Variants in DNAH6 observed in about 807,000 individuals in gnomAD.
DNAH6 encodes the protein dynein axonemal heavy chain 6.
A neutral mutation model predicts 491.4 loss-of-function variants in DNAH6; 340 were observed. The ratio of observed to expected loss-of-function variants is 0.69; its 90% confidence interval spans 0.63 to 0.76. The LOEUF is 0.76. Ranked by LOEUF, DNAH6 falls within the 30% of genes least tolerant of loss-of-function variation. DNAH6 has a pLI of 0.00. For missense variants in DNAH6, 4,443 were observed against 4,972.2 expected, an observed-to-expected ratio of 0.89 and a Z score of 3.20; for synonymous variants, 1,603 against 1,686.1, an observed-to-expected ratio of 0.95 and a Z score of 1.21.
the DNAH6 span, among the ~76,000 whole-genome samples, chr2:84,506,785 G>A: frequency 7.9e-5 from 12 of 152,176 alleles, no homozygotes; most frequent in Admixed American, 3.3e-4. Flanking sequence ...TTCTACATAT[G>A]GCTAGCCAGT....
chr2:84,735,694 A>G (rs2104997430), intron 62 of DNAH6, among the ~76,000 whole-genome samples: 1 of 152,214 alleles, frequency 6.6e-6, no homozygotes, highest in East Asian at 1.9e-4. Flanking sequence ...AGAAGTGTCT[A>G]TTCATGTTCT....
chr2:84,636,518 C>T (rs1053441932), intron 30 of DNAH6, among the ~76,000 whole-genome samples: 12 of 152,140 alleles, frequency 7.9e-5, no homozygotes, highest in Non-Finnish European at 1.3e-4. Flanking sequence ...AAGAGTGAGG[C>T]TCCTTCAGCT....
At chr2:84,580,422 G>A (rs1682903640) in intron 14 of DNAH6, among the ~76,000 whole-genome samples, 1 of 151,992 alleles carries the variant, frequency 6.6e-6, no homozygotes, top group South Asian at 2.1e-4. Context: ...CCTGTAGGAA[G>A]CAATCTAGCA....
intron 59 of DNAH6, among the ~76,000 whole-genome samples, 193 bp from the exon 60 acceptor site, chr2:84,722,432 A>G (rs370207082): frequency 5.5e-4 from 84 of 152,256 alleles, no homozygotes; most frequent in African/African-American, 1.8e-3. Context: ...CTAACTCTGG[A>G]AGGAAGAAAG....
intron 58 of DNAH6, among the ~76,000 whole-genome samples, chr2:84,717,087 A>G (rs1697609950): frequency 6.6e-6 from 1 of 152,088 alleles, no homozygotes; most frequent in Admixed American, 6.6e-5. Flanking sequence ...GCACAAGGCC[A>G]TTTTTCAACT....
At chr2:84,700,736 G>A (rs565890029) in intron 48 of DNAH6, among the ~76,000 whole-genome samples, 1 of 152,300 alleles carries the variant, frequency 6.6e-6, no homozygotes, top group South Asian at 2.1e-4. Context: ...AATGATGGAC[G>A]TGAGGTCCCA....
chr2:84,566,761 C>T (rs529784043), intron 11 of DNAH6, among the ~76,000 whole-genome samples: 142 of 152,084 alleles, frequency 9.3e-4, no homozygotes, highest in African/African-American at 3.3e-3. Flanking sequence ...TGTAAACACT[C>T]TATAATTAAA....
chr2:84,722,699 GA>G lies in DNAH6; in HGVS notation c.9869del (p.Lys3290SerfsTer11). 1.3e-6 allele frequency: 2 copies of G among 1,549,314 alleles called. No homozygotes were observed. Among genetic ancestry groups the G allele is most frequent in the Non-Finnish European group, 1.7e-6 (2 of 1,146,226 alleles). ...TEQMINVARE[K>X]YRPVATQGSV... ...AGCAGATGATCAATGTGGCTCGTGA[GA>G]AGTATCGTCCAGTGGCCACTCAAGG... On this transcript the variant is annotated frameshift_variant, in exon 60 of 77. Coordinates refer to ENST00000389394, the MANE Select transcript of DNAH6 (RefSeq NM_001370.2). LOFTEE classifies it high-confidence loss of function.
At chr2:84,507,635 G>C in the DNAH6 span, among the ~76,000 whole-genome samples, 1 of 152,104 alleles carries the variant, frequency 6.6e-6, no homozygotes, top group African/African-American at 2.4e-5. Flanking sequence ...GGGCATCCCT[G>C]TCTTGTGCCA....
chr2:84,616,817 T>C, intron 22 of DNAH6, 69 bp from the exon 23 acceptor site: 1 of 696,316 alleles, frequency 1.4e-6, no homozygotes, highest in Non-Finnish European at 2.3e-6. Context: ...CATTTTAAAG[T>C]GATATTTTTT....
chr2:84,638,431 C>T (rs901653659), intron 31 of DNAH6, among the ~76,000 whole-genome samples: 1 of 152,068 alleles, frequency 6.6e-6, no homozygotes, highest in Admixed American at 6.6e-5. Flanking sequence ...GTGTGACCAC[C>T]AAGACCAAAA....
At chr2:84,629,843 T>C (rs1441078647) in intron 29 of DNAH6, among the ~76,000 whole-genome samples, 1 of 152,000 alleles carries the variant, frequency 6.6e-6, no homozygotes, top group Non-Finnish European at 1.5e-5. Flanking sequence ...CACAACAAAA[T>C]ACCAAAAATT....
intron 22 of DNAH6, among the ~76,000 whole-genome samples, chr2:84,613,126 TTGG>T (rs992052477): frequency 1.7e-4 from 26 of 151,344 alleles, no homozygotes; most frequent in African/African-American, 6.3e-4. Flanking sequence ...GTAGGGTAAA[TTGG>T]TGAGAGAGAG....
chr2:84,561,589 T>TC (rs2104622291), intron 11 of DNAH6, among the ~76,000 whole-genome samples: 1 of 152,200 alleles, frequency 6.6e-6, no homozygotes, highest in South Asian at 2.1e-4. Context: ...GAAACTACCA[T>TC]CAGAGTGAAC....
rs369004274 is a variant in DNAH6 at position 84,806,479 on chromosome 2, C to T, written c.11611+685C>T. Among the ~76,000 whole-genome samples the T allele has an allele frequency of 3.6e-3, 549 of 151,924 alleles. 4 individuals carry two copies. Among genetic ancestry groups the T allele is most frequent in the African/African-American group, 0.012 (507 of 41,432 alleles). Reference sequence around the variant, plus strand: ...CTAAAAATACAAAAAATTAGCCGGGCGTGGTGGCGGTCGCCTGTAGTCCCA... The same window carrying T: ...CTAAAAATACAAAAAATTAGCCGGGTGTGGTGGCGGTCGCCTGTAGTCCCA... On this transcript the variant is annotated intron_variant, in intron 71 of 76. Coordinates refer to ENST00000389394, the MANE Select transcript of DNAH6 (RefSeq NM_001370.2).
At chr2:84,690,384 C>G (rs1573496825) in intron 45 of DNAH6, among the ~76,000 whole-genome samples, 1 of 152,172 alleles carries the variant, frequency 6.6e-6, no homozygotes, top group African/African-American at 2.4e-5. Context: ...CACTTGCTTC[C>G]CCTCTGTCCC....
chr2:84,614,480 T>A (rs77648114), intron 22 of DNAH6, among the ~76,000 whole-genome samples: 2,170 of 152,298 alleles, frequency 0.014, 53 homozygotes, highest in African/African-American at 0.05. Flanking sequence ...TTGCAAATTG[T>A]GCTGTTATAA....
chr2:84,527,752 G>T (rs531972792), intron 3 of DNAH6, among the ~76,000 whole-genome samples: 3 of 152,132 alleles, frequency 2.0e-5, no homozygotes, highest in Non-Finnish European at 4.4e-5. Flanking sequence ...AACTGCTATT[G>T]GACAAAGTAT....
At chr2:84,558,345 A>T (rs963040463) in intron 11 of DNAH6, among the ~76,000 whole-genome samples, 3 of 151,790 alleles carry the variant, frequency 2.0e-5, no homozygotes, top group Non-Finnish European at 4.4e-5. Context: ...GAATGGTGTG[A>T]ACCCGGGAGG....
Sources: gnomAD v4.1 joint callset for allele counts (sites outside exome capture counted in the v4.1 genomes callset) on GRCh38, gnomAD v4.1.1 for gene constraint, MANE v1.5 for transcripts, NCBI Gene and HGNC (gene_info 2026-07-23, HGNC 2026-07-21) for gene names.